Variants in RALGPS1 observed in about 807,000 individuals in gnomAD.
The protein encoded by RALGPS1 is Ral GEF with PH domain and SH3 binding motif 1.
RALGPS1 carries 19 observed loss-of-function variants against 78.8 expected under a neutral mutation model. That is an observed-to-expected ratio of 0.24 (90% CI 0.17 to 0.35). RALGPS1 has a LOEUF of 0.35. Ranked by LOEUF, RALGPS1 falls within the 10% of genes least tolerant of loss-of-function variation. The pLI is 1.00. For synonymous variants in RALGPS1, 228 were observed against 256.3 expected (o/e 0.89, Z 1.06); for missense variants, 454 against 688.3 (o/e 0.66, Z 3.81).
chr9:127,125,631 C>T (rs920087911), intron 8 of RALGPS1, among the ~76,000 whole-genome samples: 1 of 152,190 alleles, frequency 6.6e-6, no homozygotes, highest in Non-Finnish European at 1.5e-5. Flanking sequence ...TCCCCACTCC[C>T]ACCCTGATCC....
At chr9:127,132,481 G>A (rs1354613729) in intron 8 of RALGPS1, among the ~76,000 whole-genome samples, 2 of 152,336 alleles carry the variant, frequency 1.3e-5, no homozygotes, top group East Asian at 1.9e-4. Flanking sequence ...ACGATGGTGT[G>A]ATCAGTGTTC....
chr9:126,915,623 C>G (rs1375340515), intron 1 of RALGPS1: 1 of 152,916 alleles, frequency 6.5e-6, no homozygotes, highest in Admixed American at 6.5e-5. Flanking sequence ...GCCGTCCGGG[C>G]CTGCCTGTGC....
intron 1 of RALGPS1, among the ~76,000 whole-genome samples, chr9:126,918,820 G>A (rs1463134570): frequency 6.6e-6 from 1 of 151,970 alleles, no homozygotes; most frequent in Non-Finnish European, 1.5e-5. Context: ...TTACAGGCAT[G>A]CCCCACCACG....
At chr9:126,988,985 A>G (rs766074627) in intron 4 of RALGPS1, among the ~76,000 whole-genome samples, 3 of 152,160 alleles carry the variant, frequency 2.0e-5, no homozygotes, top group Non-Finnish European at 4.4e-5. Flanking sequence ...AAAAGGCTGA[A>G]GGACTCAGGA....
chr9:127,152,758 G>A (rs1018264648), intron 8 of RALGPS1, among the ~76,000 whole-genome samples: 6 of 152,110 alleles, frequency 3.9e-5, no homozygotes, highest in South Asian at 4.1e-4. Context: ...TGTGAGGGGC[G>A]GCCTAGTCTC....
chr9:127,187,068 C>A (rs1385523146), intron 11 of RALGPS1, among the ~76,000 whole-genome samples: 1 of 152,202 alleles, frequency 6.6e-6, no homozygotes, highest in Non-Finnish European at 1.5e-5. Context: ...TCTCACTGCA[C>A]CCCTCCAGCT....
chr9:127,094,007 A>C (rs1457338462), intron 8 of RALGPS1: 1 of 1,502,888 alleles, frequency 6.7e-7, no homozygotes, highest in Non-Finnish European at 9.0e-7. Context: ...AGCAGGCACA[A>C]CCTCTGTTGA....
chr9:127,157,804 C>A (rs1172170218), intron 8 of RALGPS1, among the ~76,000 whole-genome samples: 1 of 152,086 alleles, frequency 6.6e-6, no homozygotes, highest in Non-Finnish European at 1.5e-5. Context: ...CTGTGATATG[C>A]ATCTTTAATA....
At chr9:127,119,106 T>A (rs2055770824) in intron 8 of RALGPS1, among the ~76,000 whole-genome samples, 1 of 152,162 alleles carries the variant, frequency 6.6e-6, no homozygotes, top group South Asian at 2.1e-4. Context: ...GGTGAGACAG[T>A]ATCGCAGAGC....
Position 127,183,999 on chromosome 9 carries a change from C to G in RALGPS1, c.910+9217C>G. On this transcript the variant is annotated intron_variant, in intron 11 of 18. Coordinates refer to ENST00000259351, the MANE Select transcript of RALGPS1 (RefSeq NM_014636.3). The surrounding 1 kb of genome is among the most constrained non-coding windows in gnomAD (Gnocchi z 4.0). Reference sequence around the variant, plus strand: ...CCAGCGGCTCCCCCAGCATCTGCTGCTCCGCGCTCCCCGTGGCCTAGGAAT... The same window carrying G: ...CCAGCGGCTCCCCCAGCATCTGCTGGTCCGCGCTCCCCGTGGCCTAGGAAT... The G allele has an allele frequency of 3.2e-6, 5 of 1,550,112 alleles. No individual in the cohort carries two copies. Among genetic ancestry groups the G allele is most frequent in the Non-Finnish European group, 4.4e-6 (5 of 1,146,908 alleles).
At chr9:127,174,684 C>A in intron 10 of RALGPS1, 31 bp from the exon 11 acceptor site, 1 of 1,605,994 alleles carries the variant, frequency 6.2e-7, no homozygotes, top group African/African-American at 1.3e-5. Context: ...AACCAGAGCC[C>A]ATCTGATCTT....
chr9:126,977,856 AT>A (rs1458610923), intron 4 of RALGPS1, 111 bp downstream of exon 4: 4 of 720,936 alleles, frequency 5.5e-6, no homozygotes, highest in Non-Finnish European at 9.3e-6. Context: ...CTATAAATGC[AT>A]GTTATCCATT....
chr9:127,000,589 C>T (rs1379509654), intron 4 of RALGPS1, among the ~76,000 whole-genome samples: 1 of 114,192 alleles, frequency 8.8e-6, no homozygotes, highest in Admixed American at 1.3e-4. Flanking sequence ...ACTCTTGTTG[C>T]CGAGGCTGGA....
At chr9:127,178,468 C>T (rs2060014723) in intron 11 of RALGPS1, 1 of 993,904 alleles carries the variant, frequency 1.0e-6, no homozygotes, top group Non-Finnish European at 1.2e-6. Context: ...ACATAGAACA[C>T]ACGTGTTAGG....
chr9:127,101,759 A>C (rs560316162), intron 8 of RALGPS1, among the ~76,000 whole-genome samples: 1 of 152,144 alleles, frequency 6.6e-6, no homozygotes, highest in East Asian at 1.9e-4. Context: ...TTTGGACCCT[A>C]CTCTAGACAT....
At chr9:127,216,664 TA>T (rs375882497) in intron 18 of RALGPS1, among the ~76,000 whole-genome samples, 16 of 152,342 alleles carry the variant, frequency 1.1e-4, no homozygotes, top group African/African-American at 3.8e-4. Flanking sequence ...TGAATAAATG[TA>T]ATTGGCCATC....
chr9:127,097,396 G>A (rs541295351), intron 8 of RALGPS1, among the ~76,000 whole-genome samples: 3 of 152,320 alleles, frequency 2.0e-5, no homozygotes, highest in Admixed American at 1.3e-4. Flanking sequence ...GTCTGTACAC[G>A]GAATTTCACA....
chr9:126,993,924 G>A (rs948141865), intron 4 of RALGPS1, among the ~76,000 whole-genome samples: 3 of 152,180 alleles, frequency 2.0e-5, no homozygotes, highest in Admixed American at 1.3e-4. Context: ...ACAGGGTCTG[G>A]AGTGGACCTC....
chr9:126,972,054 G>A (rs2040170764), intron 3 of RALGPS1, among the ~76,000 whole-genome samples: 2 of 152,144 alleles, frequency 1.3e-5, no homozygotes, highest in African/African-American at 2.4e-5. Flanking sequence ...CATGGCTTCC[G>A]GAGAACTGGT....
Sources: allele counts gnomAD v4.1 joint callset (sites outside exome capture counted in the v4.1 genomes callset), GRCh38; gene constraint gnomAD v4.1.1; non-coding constraint Gnocchi (gnomAD v3.1); transcripts MANE v1.5; gene names NCBI Gene and HGNC (gene_info 2026-07-23, HGNC 2026-07-21).